Variants in MAGI2 observed in about 807,000 individuals in gnomAD.
MAGI2 encodes the protein membrane associated guanylate kinase, WW and PDZ domain containing 2.
MAGI2 carries 35 observed loss-of-function variants against 133.3 expected under a neutral mutation model. The ratio of observed to expected loss-of-function variants is 0.26; its 90% CI spans 0.20 to 0.35. The LOEUF (loss-of-function observed/expected upper bound fraction) is 0.35. Ranked by LOEUF, MAGI2 falls within the 10% of genes least tolerant of loss-of-function variation. MAGI2 has a pLI of 1.00. For missense variants in MAGI2, 1,636 were observed against 1,863.4 expected, an observed-to-expected ratio of 0.88 and a Z score of 2.25; for synonymous variants, 729 against 710.6, an observed-to-expected ratio of 1.03 and a Z score of -0.41.
At chr7:78,024,044 TG>T (rs1808675079) in intron 21 of MAGI2, among the ~76,000 whole-genome samples, 1 of 152,206 alleles carries the variant, frequency 6.6e-6, no homozygotes, top group South Asian at 2.1e-4. Context: ...TTGATATTTG[TG>T]GGGGTCCAGG....
intron 6 of MAGI2, among the ~76,000 whole-genome samples, chr7:78,423,534 A>G (rs577604805): frequency 6.6e-6 from 1 of 152,334 alleles, no homozygotes; most frequent in African/African-American, 2.4e-5. Flanking sequence ...TTGGAATTGG[A>G]TAACAGGCAG....
chr7:78,860,704 G>C (rs575614353), intron 2 of MAGI2, among the ~76,000 whole-genome samples: 35 of 152,256 alleles, frequency 2.3e-4, no homozygotes, highest in African/African-American at 8.2e-4. Context: ...GCACCCCCTT[G>C]AGGAGGCAGT....
chr7:78,735,685 C>A (rs757750190), intron 2 of MAGI2, among the ~76,000 whole-genome samples: 3 of 152,078 alleles, frequency 2.0e-5, no homozygotes, highest in Non-Finnish European at 4.4e-5. Flanking sequence ...TTAAATAAAC[C>A]TAAATGAGTT....
intron 2 of MAGI2, among the ~76,000 whole-genome samples, chr7:78,822,054 T>A (rs776956367): frequency 9.9e-5 from 15 of 152,110 alleles, no homozygotes; most frequent in Non-Finnish European, 1.5e-5. Context: ...GGGCAGATAT[T>A]TTCTTAACAG....
intron 2 of MAGI2, among the ~76,000 whole-genome samples, chr7:78,967,545 T>G (rs2115905655): frequency 6.6e-6 from 1 of 152,152 alleles, no homozygotes; most frequent in East Asian, 1.9e-4. Context: ...AGTTTTTTCC[T>G]TATGTTTTCT....
At chr7:78,310,640 G>T (rs552379896) in intron 9 of MAGI2, among the ~76,000 whole-genome samples, 1 of 152,248 alleles carries the variant, frequency 6.6e-6, no homozygotes, top group East Asian at 1.9e-4. Flanking sequence ...TTACTAAGAT[G>T]ACAAGGATCT....
At chr7:78,847,738 C>T (rs932506657) in intron 2 of MAGI2, among the ~76,000 whole-genome samples, 1 of 151,924 alleles carries the variant, frequency 6.6e-6, no homozygotes, top group African/African-American at 2.4e-5. Context: ...TCTAAAATGG[C>T]ACCCTGTGTC....
intron 1 of MAGI2, among the ~76,000 whole-genome samples, chr7:79,143,331 T>G (rs1215269759): frequency 1.3e-5 from 2 of 152,208 alleles, no homozygotes; most frequent in South Asian, 4.1e-4. Context: ...TAGGGATAAC[T>G]TGGCAATACT....
chr7:78,100,279 T>G (rs902483089), intron 20 of MAGI2, among the ~76,000 whole-genome samples: 1 of 152,182 alleles, frequency 6.6e-6, no homozygotes, highest in Non-Finnish European at 1.5e-5. Context: ...ACAAAAGGAT[T>G]TGAAGCACAA....
chr7:78,068,542 T>C (rs1005341813), intron 21 of MAGI2, among the ~76,000 whole-genome samples: 5 of 152,032 alleles, frequency 3.3e-5, no homozygotes, highest in African/African-American at 1.2e-4. Flanking sequence ...GCAGGGAGTA[T>C]ATGGGAAATC....
At chr7:78,070,080 G>A (rs77533798) in intron 21 of MAGI2, among the ~76,000 whole-genome samples, 6,157 of 144,328 alleles carry the variant, frequency 0.043, 314 homozygotes, top group East Asian at 0.14. Context: ...TAGATTTCTT[G>A]GTCACTATAA....
chr7:78,521,283 C>G, intron 4 of MAGI2, 147 bp downstream of exon 4: 2 of 482,912 alleles, frequency 4.1e-6, no homozygotes, highest in South Asian at 1.0e-4. Flanking sequence ...AATAATTACA[C>G]GTGAACACAC....
intron 9 of MAGI2, among the ~76,000 whole-genome samples, chr7:78,293,260 G>A (rs897416292): frequency 1.3e-5 from 2 of 151,938 alleles, no homozygotes; most frequent in South Asian, 2.1e-4. Flanking sequence ...CCACCCCATC[G>A]AAAAGTAGGC....
rs559471252 is a variant in MAGI2, at chr7:78,085,049, C to T, written c.3568-5964G>A. Among the ~76,000 whole-genome samples the T allele has an allele frequency of 2.6e-5, 4 of 152,296 alleles. No individual in the cohort carries two copies. The South Asian group carries it at 8.3e-4, about 32-fold the overall frequency. On this transcript the variant is annotated intron_variant, in intron 20 of 21. Coordinates refer to ENST00000354212, the MANE Select transcript of MAGI2 (RefSeq NM_012301.4). ...TGTTATAAACTGTTAGGCTCAGTTG[C>T]CTCAGCAAGGCACAGGAGCCCATAA...
At chr7:78,540,764 G>T (rs1472244796) in intron 3 of MAGI2, among the ~76,000 whole-genome samples, 1 of 152,098 alleles carries the variant, frequency 6.6e-6, no homozygotes, top group African/African-American at 2.4e-5. Context: ...TAGGGGCCGG[G>T]AGTGCCTACA....
chr7:78,560,462 T>C (rs1800285739), intron 3 of MAGI2, among the ~76,000 whole-genome samples: 1 of 152,162 alleles, frequency 6.6e-6, no homozygotes. Flanking sequence ...AGATCTGATG[T>C]GGCAAAACGT....
chr7:78,511,494 T>G (rs1795559714), intron 4 of MAGI2, among the ~76,000 whole-genome samples: 2 of 149,638 alleles, frequency 1.3e-5, no homozygotes, highest in African/African-American at 4.9e-5. Flanking sequence ...ACTAAAATAT[T>G]TGCACATTGT....
At chr7:78,213,669 A>G (rs1787987894) in intron 10 of MAGI2, among the ~76,000 whole-genome samples, 1 of 152,202 alleles carries the variant, frequency 6.6e-6, no homozygotes, top group African/African-American at 2.4e-5. Context: ...TGTTCAAATC[A>G]GGGAAATGTC....
intron 6 of MAGI2, among the ~76,000 whole-genome samples, chr7:78,378,275 T>C (rs1328667023): frequency 2.0e-5 from 3 of 151,944 alleles, no homozygotes; most frequent in South Asian, 2.1e-4. Flanking sequence ...TAGGTAGAGA[T>C]AATCCAGCAT....
Sources: allele counts gnomAD v4.1 joint callset (sites outside exome capture counted in the v4.1 genomes callset), GRCh38; gene constraint gnomAD v4.1.1; transcripts MANE v1.5; gene names NCBI Gene and HGNC (gene_info 2026-07-23, HGNC 2026-07-21).